Variants in SYCP2L observed in about 807,000 individuals in gnomAD.
SYCP2L encodes the protein synaptonemal complex protein 2-like.
A neutral mutation model predicts 125.8 loss-of-function variants in SYCP2L; 98 were observed. The ratio of observed to expected loss-of-function variants is 0.78; its 90% CI spans 0.66 to 0.92. The LOEUF is 0.92. Ranked by LOEUF, SYCP2L falls within the 40% of genes least tolerant of loss-of-function variation. SYCP2L has a pLI of 0.00. For synonymous variants in SYCP2L, 317 were observed against 325.4 expected, an observed-to-expected ratio of 0.97 and a Z score of 0.28; for missense variants, 842 against 936.4, an observed-to-expected ratio of 0.90 and a Z score of 1.32.
chr6:10,922,134 G>A (rs1007930567), intron 14 of SYCP2L, among the ~76,000 whole-genome samples: 5 of 152,146 alleles, frequency 3.3e-5, no homozygotes, highest in African/African-American at 1.2e-4. Flanking sequence ...AAGAATGTGG[G>A]TGCTCAGTTA....
In SYCP2L at chr6:10,955,235, G is replaced by A. The variant is rs768516264; in HGVS notation, c.2056+18G>A. The A allele has an allele frequency of 1.1e-5, 16 of 1,514,458 alleles. No homozygotes were observed. In the South Asian group the frequency reaches 1.8e-4, roughly 17 times the overall value. The allele number at this position is 1,514,458 out of a possible 1,614,324, so 93.8% of individuals were successfully genotyped here. A position where few individuals can be genotyped will look rare whatever the true frequency, so the allele number is the denominator to read the frequency against. On this transcript the variant is annotated intron_variant, in intron 24 of 29. Transcript: ENST00000283141. ...GTTGCCAGGTAACATCATGCACCCAGCCAATGGTTCAAGTAGGAGTGGGAT... is the reference window on the plus strand; with the variant it reads ...GTTGCCAGGTAACATCATGCACCCAACCAATGGTTCAAGTAGGAGTGGGAT...
rs1406675372 is a variant in SYCP2L at position 10,966,124 on chromosome 6, T to TAATAATAACAACAAC, written c.*37+2286_*37+2287insTAACAACAACAATAA. On this transcript the variant is annotated intron_variant, in intron 29 of 29. Transcript: ENST00000283141. ...CAATACTCTGTCTCAATAATAATAA[T>TAATAATAACAACAAC]AATAACAACAACAATAACAACAACA... 1.2e-4 allele frequency among the ~76,000 whole-genome samples: 18 copies of TAATAATAACAACAAC among 151,680 alleles called. No homozygotes were observed. The South Asian group carries it at 3.6e-3, about 30-fold the overall frequency.
intron 2 of SYCP2L, 99 bp downstream of exon 2, chr6:10,891,680 T>A: frequency 1.3e-6 from 1 of 778,642 alleles, no homozygotes; most frequent in Non-Finnish European, 2.0e-6. Context: ...TATATGAGTG[T>A]ATGTATTCTT....
At chr6:10,970,970 G>A (rs1455034801) in intron 29 of SYCP2L, among the ~76,000 whole-genome samples, 1 of 152,102 alleles carries the variant, frequency 6.6e-6, no homozygotes, top group African/African-American at 2.4e-5. Flanking sequence ...TTTTGGCTAA[G>A]ATCAAGTGTG....
Position 10,902,749 on chromosome 6 carries a change from T to G in SYCP2L, c.539T>G (p.Leu180Trp). ...FLVTEKTVNH[L>W]LQQEGLKTFN... ...GTGACAGAAAAGACTGTAAATCATT[T>G]GCTTCAACAGGAGGTGAGTTGCAAG... Residue 180 changes from leucine to tryptophan, a missense_variant, in exon 7 of 30, where the codon TTG (leucine) becomes TGG (tryptophan). By Grantham distance (61) the Leu-to-Trp change is moderately conservative. Coordinates refer to ENST00000283141, the MANE Select transcript of SYCP2L (RefSeq NM_001040274.3). 1.2e-6 allele frequency: 2 copies of G among 1,614,192 alleles called. No homozygotes were observed. The highest frequency in any genetic ancestry group is 8.5e-7 in the Non-Finnish European group (1 of 1,180,018).
chr6:10,949,128 TTTCTC>T (rs1781365866), intron 23 of SYCP2L, among the ~76,000 whole-genome samples: 1 of 152,116 alleles, frequency 6.6e-6, no homozygotes, highest in South Asian at 2.1e-4. Flanking sequence ...TTTCTATTGT[TTTCTC>T]TTCTGTTGTT....
intron 29 of SYCP2L, among the ~76,000 whole-genome samples, chr6:10,967,454 G>GGTGTGTGTGTGTGTGTGT (rs3066151): frequency 3.3e-4 from 46 of 138,912 alleles, no homozygotes; most frequent in East Asian, 1.3e-3. Flanking sequence ...TGGGGTAGAG[G>GGTGTGTGTGTGTGTGTGT]GTGTGTGTGT....
intron 14 of SYCP2L, among the ~76,000 whole-genome samples, chr6:10,919,930 C>G (rs1227350439): frequency 6.6e-6 from 1 of 152,190 alleles, no homozygotes; most frequent in African/African-American, 2.4e-5. Flanking sequence ...CGGTACCCCC[C>G]ACCCTCAAAA....
intron 17 of SYCP2L, among the ~76,000 whole-genome samples, chr6:10,927,771 C>T (rs546529464): frequency 3.9e-5 from 6 of 152,212 alleles, no homozygotes; most frequent in East Asian, 3.9e-4. Context: ...AGAATTTCCT[C>T]GCCCTAATAA....
At chr6:10,960,627 C>T (rs1781577504) in intron 26 of SYCP2L, among the ~76,000 whole-genome samples, 1 of 152,082 alleles carries the variant, frequency 6.6e-6, no homozygotes, top group Admixed American at 6.6e-5. Flanking sequence ...TTAGCTCATT[C>T]CTGACCACAG....
intron 2 of SYCP2L, 32 bp downstream of exon 2, chr6:10,891,613 C>CTCTGTGTG (rs1311505155): frequency 8.7e-6 from 1 of 114,734 alleles, no homozygotes; most frequent in African/African-American, 3.6e-5. Context: ...TAATCTCTCT[C>CTCTGTGTG]TGTGTGTGTG....
At chr6:10,901,771 CA>C (rs1483192117) in intron 6 of SYCP2L, among the ~76,000 whole-genome samples, 1 of 152,182 alleles carries the variant, frequency 6.6e-6, no homozygotes, top group Admixed American at 6.5e-5. Context: ...GTATCTAGTT[CA>C]AATAGGCTTA....
At chr6:10,909,897 CCTAAGTATTCCTCAGCTGAAAAT>C (rs1157795677) in intron 10 of SYCP2L, among the ~76,000 whole-genome samples, 1 of 152,106 alleles carries the variant, frequency 6.6e-6, no homozygotes, top group East Asian at 1.9e-4. Flanking sequence ...CTTTTGGAGA[CCTAAGTATTCCTCAGCTGAAAAT>C]CTAATGGCTG....
chr6:10,961,655 T>TA, intron 28 of SYCP2L, 97 bp downstream of exon 28: 1 of 1,222,590 alleles, frequency 8.2e-7, no homozygotes, highest in Non-Finnish European at 1.2e-6. Context: ...AAAACTCCCA[T>TA]AACTAATGAA....
chr6:10,960,921 GAA>G (rs1427173221), intron 26 of SYCP2L, among the ~76,000 whole-genome samples: 1 of 151,898 alleles, frequency 6.6e-6, no homozygotes, highest in African/African-American at 2.4e-5. Context: ...ACTAAAAATA[GAA>G]AAAAATGAGC....
intron 1 of SYCP2L, among the ~76,000 whole-genome samples, chr6:10,890,815 C>T (rs1780159818): frequency 6.6e-6 from 1 of 152,140 alleles, no homozygotes; most frequent in African/African-American, 2.4e-5. Flanking sequence ...AGTTTGGGAT[C>T]TTAAGTGTAA....
intron 2 of SYCP2L, among the ~76,000 whole-genome samples, chr6:10,893,367 A>G (rs902725841): frequency 1.3e-5 from 2 of 152,218 alleles, no homozygotes; most frequent in African/African-American, 4.8e-5. Context: ...TTCATTCATT[A>G]TGGTCAATTT....
chr6:10,909,309 G>A (rs1181361419), intron 10 of SYCP2L, among the ~76,000 whole-genome samples: 2 of 151,652 alleles, frequency 1.3e-5, no homozygotes, highest in African/African-American at 4.8e-5. Flanking sequence ...TGTATTTTTA[G>A]TAGAGACGGG....
intron 21 of SYCP2L, among the ~76,000 whole-genome samples, chr6:10,938,125 G>A (rs187548199): frequency 6.6e-6 from 1 of 152,088 alleles, no homozygotes; most frequent in African/African-American, 2.4e-5. Flanking sequence ...AAAATTACAG[G>A]CCAATGTCTC....
Sources: allele counts gnomAD v4.1 joint callset (sites outside exome capture counted in the v4.1 genomes callset), GRCh38; gene constraint gnomAD v4.1.1; transcripts MANE v1.5; gene names NCBI Gene and HGNC (gene_info 2026-07-23, HGNC 2026-07-21).